BAIAP2L2: variants seen among roughly 807,000 people sequenced by gnomAD.
BAIAP2L2 encodes the protein BAR/IMD domain-containing adapter protein 2-like 2.
BAIAP2L2 carries 65 observed loss-of-function variants against 60.4 expected under a neutral mutation model. That is an observed-to-expected ratio of 1.08 (90% CI 0.88 to 1.32). The LOEUF (loss-of-function observed/expected upper bound fraction) is 1.32, where lower values mean the gene tolerates loss of function less well. Ranked by LOEUF, BAIAP2L2 falls within the 40% of genes most tolerant of loss-of-function variation. The pLI, the probability that BAIAP2L2 is intolerant of heterozygous loss-of-function variation, is 0.00. For missense variants in BAIAP2L2, 836 were observed against 741.2 expected, an observed-to-expected ratio of 1.13 and a Z score of -1.48; for synonymous variants, 344 against 301.7, an observed-to-expected ratio of 1.14 and a Z score of -1.45.
chr22:38,100,526 CAATAAATAAATAAATAAATA>C (rs56224721), intron 4 of BAIAP2L2, among the ~76,000 whole-genome samples: 271 of 140,044 alleles, frequency 1.9e-3, no homozygotes, highest in African/African-American at 6.1e-3. Flanking sequence ...AACTCCGTCT[CAATAAATAAATAAATAAATA>C]AATAAATAAA....
intron 6 of BAIAP2L2, 36 bp from the exon 7 acceptor site, chr22:38,097,214 GGT>G (rs1159229375): frequency 6.2e-7 from 1 of 1,603,270 alleles, no homozygotes; most frequent in African/African-American, 1.3e-5. Flanking sequence ...GGGGGCGGTG[GGT>G]GTGTCTCATC....
rs1200168710 is a variant in BAIAP2L2, at chr22:38,087,239, C to T, written c.1144G>A (p.Val382Met). 1.7e-5 allele frequency: 28 copies of T among 1,606,902 alleles called. No homozygotes were observed. The highest frequency in any genetic ancestry group is 3.3e-4 in the Middle Eastern group (2 of 6,060). Residue 382 changes from valine (V) to methionine (M), a missense_variant, in exon 11 of 14, where the codon GTG becomes ATG. Val to Met is a conservative substitution (Grantham distance 21, BLOSUM62 1). Transcript: ENST00000381669. ...ACGGGCCCCTCCTCCAGAGCCTTCA[C>T]GTACGCCTCGGGGAACCAACCGCTC... is the stretch of plus-strand genomic sequence containing the variant. ...SASGWFPEAYVKALEEGPVNP... is the reference protein window; with the variant it reads ...SASGWFPEAYMKALEEGPVNP...
At chr22:38,091,823 T>C (rs1417849180) in intron 7 of BAIAP2L2, among the ~76,000 whole-genome samples, 1 of 151,674 alleles carries the variant, frequency 6.6e-6, no homozygotes, top group East Asian at 1.9e-4. Context: ...CTCCTACAAA[T>C]TAATAAGTGG....
At chr22:38,092,006 G>A (rs1364276642) in intron 7 of BAIAP2L2, among the ~76,000 whole-genome samples, 1 of 152,074 alleles carries the variant, frequency 6.6e-6, no homozygotes, top group Non-Finnish European at 1.5e-5. Flanking sequence ...GTCAAGGGGT[G>A]CAGAAGCACA....
chr22:38,087,148 T>TG lies in BAIAP2L2; in HGVS notation c.1234_1235insC (p.Asn412ThrfsTer21), dbSNP rs142739979. On this transcript the variant is annotated frameshift_variant, in exon 11 of 14. Coordinates refer to ENST00000381669, the MANE Select transcript of BAIAP2L2 (RefSeq NM_025045.6). LOFTEE classifies it high-confidence loss of function. ...CCTGGAAGGCAGCTCGTTCCCGGGG[T>TG]TCATGGGTGTCATGGGGGACATGGA... 16 of 1,591,928 alleles carry TG rather than the reference T, an allele frequency of 1.0e-5. No individual in the cohort carries two copies. Among genetic ancestry groups the TG allele is most frequent in the Admixed American group, 1.8e-5 (1 of 55,226 alleles).
At chr22:38,092,681 C>T (rs2086333843) in intron 7 of BAIAP2L2, among the ~76,000 whole-genome samples, 1 of 152,158 alleles carries the variant, frequency 6.6e-6, no homozygotes, top group Non-Finnish European at 1.5e-5. Context: ...GGTCAGACAA[C>T]ATGTTACTTG....
intron 10 of BAIAP2L2, among the ~76,000 whole-genome samples, chr22:38,087,574 G>A (rs1448133049): frequency 1.3e-5 from 2 of 151,938 alleles, no homozygotes; most frequent in East Asian, 1.9e-4. Context: ...GCAGCACACC[G>A]TCCTCTGCTG....
At chr22:38,088,610 G>A (rs923819939) in intron 10 of BAIAP2L2, 138 bp downstream of exon 10, 36 of 817,814 alleles carry the variant, frequency 4.4e-5, no homozygotes, top group African/African-American at 7.1e-5. Flanking sequence ...GGCAGGGTGC[G>A]GGGGTCGGGA....
intron 8 of BAIAP2L2, 82 bp downstream of exon 8, chr22:38,089,440 T>A (rs1445272605): frequency 1.3e-6 from 1 of 766,662 alleles, no homozygotes; most frequent in African/African-American, 1.9e-5. Context: ...GGCAGGAGGC[T>A]CCAGGCTGGG....
rs1158176642 is a variant in BAIAP2L2 at position 38,085,497 on chromosome 22, A to T, written c.1515-122T>A. Reference sequence around the variant, plus strand: ...TCCTGCCCCTATTTGGTCTCCATCCACTCCTTGCCCCGCTTCATCTTTTTT... The same window carrying T: ...TCCTGCCCCTATTTGGTCTCCATCCTCTCCTTGCCCCGCTTCATCTTTTTT... On this transcript the variant is annotated intron_variant, in intron 13 of 13. Transcript: ENST00000381669. The T allele has an allele frequency of 2.3e-6, 3 of 1,298,368 alleles. No individual in the cohort carries two copies. In the African/African-American group the frequency reaches 4.5e-5, roughly 19 times the overall value. 80.4% of individuals were successfully genotyped at this position (1,298,368 alleles called of 1,614,324 possible).
intron 13 of BAIAP2L2, 56 bp from the exon 14 acceptor site, chr22:38,085,431 T>C (rs1331411180): frequency 7.7e-6 from 12 of 1,567,226 alleles, no homozygotes; most frequent in Non-Finnish European, 1.1e-5. Context: ...CACCTGGCCA[T>C]GGCTCAGGAA....
intron 1 of BAIAP2L2, among the ~76,000 whole-genome samples, chr22:38,110,138 A>AGAGAGAGAGAGG (rs1569234516): frequency 4.6e-5 from 5 of 108,884 alleles, no homozygotes; most frequent in Non-Finnish European, 6.5e-5. Context: ...AGAGAGAGAG[A>AGAGAGAGAGAGG]GAGAGAGAGA....
chr22:38,092,978 C>T (rs2086342126), intron 7 of BAIAP2L2, among the ~76,000 whole-genome samples: 1 of 152,012 alleles, frequency 6.6e-6, no homozygotes, highest in South Asian at 2.1e-4. Flanking sequence ...ACCAGCCTGG[C>T]CAACATGGTG....
intron 7 of BAIAP2L2, chr22:38,090,195 C>A (rs1479276953): frequency 6.7e-6 from 1 of 148,342 alleles, no homozygotes; most frequent in Non-Finnish European, 1.5e-5. Context: ...ACTGCAAGCT[C>A]CGCCTCCCGG....
chr22:38,105,640 G>A (rs2146037258), intron 4 of BAIAP2L2, among the ~76,000 whole-genome samples: 1 of 152,216 alleles, frequency 6.6e-6, no homozygotes, highest in East Asian at 1.9e-4. Context: ...ACTGCGCCGG[G>A]ACCTTTAGGC....
At chr22:38,110,146 A>G (rs796745079) in intron 1 of BAIAP2L2, among the ~76,000 whole-genome samples, 17 of 105,298 alleles carry the variant, frequency 1.6e-4, no homozygotes, top group East Asian at 3.0e-4. Flanking sequence ...AGAGAGAGAG[A>G]GAGGGAGAGA....
intron 8 of BAIAP2L2, 43 bp downstream of exon 8, chr22:38,089,479 G>T: frequency 1.8e-6 from 2 of 1,125,458 alleles, no homozygotes; most frequent in Non-Finnish European, 2.2e-6. Flanking sequence ...CCCGCGGGGG[G>T]CGGCGGGGGC....
In BAIAP2L2 at chr22:38,101,546, C is replaced by CAAA. The variant is rs71195082; in HGVS notation, c.277-3067_277-3065dup. Reference sequence around the variant, plus strand: ...TGGGTGACACAGTGAGATCCTGTCTCAAAAAAAAAAAAAAAAAAAAAAAAA... The same window carrying CAAA: ...TGGGTGACACAGTGAGATCCTGTCTCAAAAAAAAAAAAAAAAAAAAAAAAAAAA... On this transcript the variant is annotated intron_variant, in intron 4 of 13. Transcript: ENST00000381669. Among the ~76,000 whole-genome samples the CAAA allele has an allele frequency of 4.1e-3, 126 of 30,842 alleles. 12 individuals carry two copies. Among genetic ancestry groups the CAAA allele is most frequent in the African/African-American group, 9.9e-3 (61 of 6,132 alleles). The allele number at this position is 30,842 out of a possible 152,430, so 20.2% of individuals were successfully genotyped here.
At chr22:38,106,854 CTG>C (rs1569231083) in intron 4 of BAIAP2L2, among the ~76,000 whole-genome samples, 1 of 152,160 alleles carries the variant, frequency 6.6e-6, no homozygotes, top group Non-Finnish European at 1.5e-5. Flanking sequence ...TTTCTTTCCC[CTG>C]TGTCACTGAA....
Sources: gnomAD v4.1 joint callset for allele counts (sites outside exome capture counted in the v4.1 genomes callset) on GRCh38, gnomAD v4.1.1 for gene constraint, MANE v1.5 for transcripts, NCBI Gene and HGNC (gene_info 2026-07-23, HGNC 2026-07-21) for gene names.